Variants in CCDC178 observed in about 807,000 individuals in gnomAD.
CCDC178 encodes the protein coiled-coil domain-containing protein 178.
CCDC178 carries 126 observed loss-of-function variants against 117.4 expected under a neutral mutation model. That is an observed-to-expected ratio of 1.07 (90% CI 0.93 to 1.24). The LOEUF is 1.24. CCDC178 is among the 50% of genes most tolerant of loss of function. CCDC178 has a pLI of 0.00. For synonymous variants in CCDC178, 283 were observed against 313.4 expected, an observed-to-expected ratio of 0.90 and a Z score of 1.02; for missense variants, 1,030 against 986.9, an observed-to-expected ratio of 1.04 and a Z score of -0.59.
intron 20 of CCDC178, among the ~76,000 whole-genome samples, chr18:33,171,345 T>G (rs550942261): frequency 6.6e-6 from 1 of 152,254 alleles, no homozygotes; most frequent in East Asian, 1.9e-4. Flanking sequence ...CTGACAAAAA[T>G]TTCTGGTCCT....
At chr18:32,942,448 G>A (rs1324763486) in intron 22 of CCDC178, among the ~76,000 whole-genome samples, 1 of 151,942 alleles carries the variant, frequency 6.6e-6, no homozygotes, top group African/African-American at 2.4e-5. Flanking sequence ...CACATACAAG[G>A]CCAAAAGTGG....
chr18:33,317,872 T>G (rs765961192), intron 11 of CCDC178, among the ~76,000 whole-genome samples: 3 of 152,106 alleles, frequency 2.0e-5, no homozygotes, highest in Non-Finnish European at 4.4e-5. Context: ...TGAGACAGGT[T>G]TAAGCCAAGA....
At chr18:33,256,936 TTAGA>T (rs1439730224) in intron 14 of CCDC178, among the ~76,000 whole-genome samples, 24 of 152,184 alleles carry the variant, frequency 1.6e-4, no homozygotes, top group Admixed American at 3.9e-4. Context: ...TATTTAAAAC[TTAGA>T]TAGAATAAAT....
intron 20 of CCDC178, among the ~76,000 whole-genome samples, chr18:33,129,030 C>T (rs2058040721): frequency 6.6e-6 from 1 of 151,980 alleles, no homozygotes; most frequent in African/African-American, 2.4e-5. Context: ...AGATACCCAC[C>T]CCTGGTATAA....
intron 15 of CCDC178, 49 bp downstream of exon 15, chr18:33,245,196 A>C: frequency 7.1e-7 from 1 of 1,417,450 alleles, no homozygotes. Context: ...AATTCAGGTA[A>C]ATTACTCTTT....
At chr18:33,230,219 G>GT (rs1356493418) in intron 15 of CCDC178, among the ~76,000 whole-genome samples, 1 of 151,918 alleles carries the variant, frequency 6.6e-6, no homozygotes, top group Non-Finnish European at 1.5e-5. Context: ...TTGAAAAACT[G>GT]TAAGTGGAAC....
intron 6 of CCDC178, among the ~76,000 whole-genome samples, chr18:33,364,249 A>G (rs148202392): frequency 6.9e-4 from 105 of 152,238 alleles, no homozygotes; most frequent in African/African-American, 2.3e-3. Flanking sequence ...GTTGGAGTAC[A>G]TGTGTATATG....
intron 12 of CCDC178, among the ~76,000 whole-genome samples, chr18:33,289,607 AC>A (rs1355927258): frequency 2.6e-5 from 4 of 152,070 alleles, no homozygotes; most frequent in African/African-American, 9.7e-5. Flanking sequence ...CTGTGAGACT[AC>A]CATCCCAAGA....
At chr18:32,963,371 G>T (rs1249454966) in intron 22 of CCDC178, among the ~76,000 whole-genome samples, 1 of 151,874 alleles carries the variant, frequency 6.6e-6, no homozygotes, top group South Asian at 2.1e-4. Context: ...TCTTACAAAG[G>T]CATTTCCCTG....
At chr18:32,942,865 T>C (rs1225358434) in intron 22 of CCDC178, among the ~76,000 whole-genome samples, 1 of 152,188 alleles carries the variant, frequency 6.6e-6, no homozygotes, top group Admixed American at 6.5e-5. Context: ...CAAGATTGCA[T>C]AGCTGAGTGG....
chr18:33,346,182 AG>A (rs751522735), intron 9 of CCDC178, 28 bp downstream of exon 9: 1 of 1,504,828 alleles, frequency 6.6e-7, no homozygotes, highest in South Asian at 1.2e-5. Flanking sequence ...CAACAGAATA[AG>A]AAGTAATATA....
chr18:33,205,346 G>C (rs1313432111), intron 20 of CCDC178, among the ~76,000 whole-genome samples: 1 of 151,976 alleles, frequency 6.6e-6, no homozygotes, highest in Non-Finnish European at 1.5e-5. Context: ...GTCAATAATA[G>C]AATGCAAAAT....
Position 32,937,946 on chromosome 18 carries a change from G to T in CCDC178, c.*65C>A. 1 of 1,267,518 alleles carries T rather than the reference G, an allele frequency of 7.9e-7. No individual in the cohort carries two copies. Among genetic ancestry groups the T allele is most frequent in the Non-Finnish European group, 1.2e-6 (1 of 868,558 alleles). The allele number at this position is 1,267,518 out of a possible 1,614,324, so 78.5% of individuals were successfully genotyped here. A position where few individuals can be genotyped will look rare whatever the true frequency, so the allele number is the denominator to read the frequency against. ...AAACAGGTGAATGTCCAATTACACT[G>T]TTATCTGAACTGTGTGACTTTTCTT... On this transcript the variant is annotated 3_prime_UTR_variant, in exon 23 of 23. Coordinates refer to ENST00000383096, the MANE Select transcript of CCDC178 (RefSeq NM_001105528.4).
chr18:33,346,502 T>C, intron 8 of CCDC178, 91 bp from the exon 9 acceptor site: 1 of 544,242 alleles, frequency 1.8e-6, no homozygotes, highest in East Asian at 3.5e-5. Context: ...TATTATATTT[T>C]TCTATATATT....
At chr18:33,365,922 A>G (rs1172784561) in intron 6 of CCDC178, among the ~76,000 whole-genome samples, 1 of 152,054 alleles carries the variant, frequency 6.6e-6, no homozygotes, top group Non-Finnish European at 1.5e-5. Context: ...CTTTGCAAAA[A>G]CAAAATATGG....
intron 21 of CCDC178, chr18:32,983,137 C>CT (rs2055186628): frequency 2.0e-6 from 1 of 495,484 alleles, no homozygotes; most frequent in African/African-American, 2.0e-5. Context: ...AAAATAAAAT[C>CT]TAAAAAAAAA....
intron 21 of CCDC178, among the ~76,000 whole-genome samples, chr18:33,016,089 C>G (rs1198962424): frequency 6.6e-6 from 1 of 151,914 alleles, no homozygotes; most frequent in Non-Finnish European, 1.5e-5. Flanking sequence ...TCTCAAATTT[C>G]CGTATATAGA....
intron 18 of CCDC178, among the ~76,000 whole-genome samples, chr18:33,217,105 C>T (rs1448170704): frequency 1.3e-5 from 2 of 152,048 alleles, no homozygotes; most frequent in African/African-American, 4.8e-5. Flanking sequence ...CATCTATGCT[C>T]ATAAGCAAGA....
intron 20 of CCDC178, among the ~76,000 whole-genome samples, chr18:33,180,887 A>C (rs966389592): frequency 2.6e-5 from 4 of 152,190 alleles, no homozygotes; most frequent in Admixed American, 2.6e-4. Context: ...ATAGCTTGCT[A>C]TCAAATTTAA....
Sources: gnomAD v4.1 joint callset for allele counts (sites outside exome capture counted in the v4.1 genomes callset) on GRCh38, gnomAD v4.1.1 for gene constraint, MANE v1.5 for transcripts, NCBI Gene and HGNC (gene_info 2026-07-23, HGNC 2026-07-21) for gene names.